Variants in SDK1 observed in about 807,000 individuals in gnomAD.
SDK1 encodes sidekick cell adhesion molecule 1.
Under a neutral mutation model 245.5 loss-of-function variants are expected in SDK1, and 157 were observed. That is an observed-to-expected ratio of 0.64 (90% CI 0.56 to 0.73). SDK1 has a LOEUF of 0.73. Ranked by LOEUF, SDK1 falls within the 30% of genes least tolerant of loss-of-function variation. SDK1 has a pLI of 0.00. For missense variants in SDK1, 3,583 were observed against 3,002.3 expected (o/e 1.19, Z -4.52); for synonymous variants, 1,647 against 1,278.5 (o/e 1.29, Z -6.15).
chr7:3,324,259 A>G lies in SDK1; in HGVS notation c.298+22375A>G, dbSNP rs933755680. ...TAAAAGTAAATTTTTATTAAAATGT[A>G]TATATGGAAAGGAAGACAAATAGTA... On this transcript the variant is annotated intron_variant, in intron 1 of 44. Coordinates refer to ENST00000404826, the MANE Select transcript of SDK1 (RefSeq NM_152744.4). Among the ~76,000 whole-genome samples, 65 of 152,230 alleles carry G rather than the reference A, an allele frequency of 4.3e-4. 1 individual carries two copies. The highest frequency in any genetic ancestry group is 4.4e-5 in the Non-Finnish European group (3 of 68,034).
intron 1 of SDK1, among the ~76,000 whole-genome samples, chr7:3,394,646 C>A (rs1781846729): frequency 6.6e-6 from 1 of 151,896 alleles, no homozygotes; most frequent in African/African-American, 2.4e-5. Context: ...GTCTTTCGAT[C>A]CATAAATATT....
intron 1 of SDK1, among the ~76,000 whole-genome samples, chr7:3,363,865 C>T (rs1333178261): frequency 6.6e-6 from 1 of 152,092 alleles, no homozygotes; most frequent in Non-Finnish European, 1.5e-5. Flanking sequence ...GGGTTGGGGA[C>T]CCCTGGTTTA....
chr7:3,654,220 G>A (rs1250304201), intron 4 of SDK1, among the ~76,000 whole-genome samples: 3 of 151,992 alleles, frequency 2.0e-5, no homozygotes, highest in Admixed American at 6.5e-5. Context: ...AGTTCTTTTC[G>A]TTGTTGTTCT....
At chr7:4,109,891 C>G (rs2128190255) in intron 22 of SDK1, among the ~76,000 whole-genome samples, 1 of 152,218 alleles carries the variant, frequency 6.6e-6, no homozygotes, top group African/African-American at 2.4e-5. Flanking sequence ...TGGTGTGGAG[C>G]TCCCAGACAG....
At chr7:3,533,747 A>G (rs1345042366) in intron 1 of SDK1, among the ~76,000 whole-genome samples, 3 of 151,438 alleles carry the variant, frequency 2.0e-5, no homozygotes. Context: ...GTTTTCATCT[A>G]TTTTTCTTTC....
At chr7:3,787,606 G>A (rs1002530842) in intron 4 of SDK1, among the ~76,000 whole-genome samples, 1 of 152,038 alleles carries the variant, frequency 6.6e-6, no homozygotes, top group African/African-American at 2.4e-5. Flanking sequence ...TTATAAATAC[G>A]AAGTATCATT....
At chr7:3,379,824 A>G (rs2128566649) in intron 1 of SDK1, among the ~76,000 whole-genome samples, 1 of 152,186 alleles carries the variant, frequency 6.6e-6, no homozygotes, top group South Asian at 2.1e-4. Context: ...TGAGCCACCT[A>G]CATGATGCTC....
intron 17 of SDK1, among the ~76,000 whole-genome samples, chr7:4,046,853 G>A (rs920258531): frequency 1.3e-5 from 2 of 150,824 alleles, no homozygotes; most frequent in African/African-American, 4.9e-5. Context: ...AGCGGGTCTT[G>A]CTCTGTAACC....
chr7:3,797,458 TACACACACACAC>T lies in SDK1; in HGVS notation c.714-23966_714-23955del, dbSNP rs34376723. On this transcript the variant is annotated intron_variant, in intron 4 of 44. Transcript: ENST00000404826. Reference sequence around the variant, plus strand: ...TGTACATGTACAAGAGGGGTGTGTATACACACACACACACACACACACACACACACACACACA... The same window carrying T: ...TGTACATGTACAAGAGGGGTGTGTATACACACACACACACACACACACACA... 9.6e-3 allele frequency among the ~76,000 whole-genome samples: 1,410 copies of T among 147,598 alleles called. 15 individuals carry two copies. Among genetic ancestry groups the T allele is most frequent in the African/African-American group, 0.02 (791 of 40,126 alleles).
At chr7:3,439,141 C>A (rs867192459) in intron 1 of SDK1, among the ~76,000 whole-genome samples, 1 of 152,184 alleles carries the variant, frequency 6.6e-6, no homozygotes, top group Non-Finnish European at 1.5e-5. Context: ...GTGTGAATCA[C>A]CATGCCCGGC....
intron 28 of SDK1, among the ~76,000 whole-genome samples, chr7:4,136,190 C>T (rs1779078887): frequency 6.6e-6 from 1 of 152,204 alleles, no homozygotes. Flanking sequence ...GCCGAGCCTC[C>T]TCTGTCATGC....
intron 1 of SDK1, among the ~76,000 whole-genome samples, chr7:3,590,903 T>C (rs11768433): frequency 0.55 from 83,276 of 151,588 alleles, 23,109 homozygotes; most frequent in South Asian, 0.75. Context: ...CTGCCTCAGC[T>C]TCCCAAGTAG....
intron 1 of SDK1, among the ~76,000 whole-genome samples, chr7:3,616,319 G>C (rs1052979032): frequency 2.0e-5 from 3 of 152,166 alleles, no homozygotes; most frequent in African/African-American, 7.2e-5. Context: ...TGGGCAGCAT[G>C]GACAGTCACG....
intron 21 of SDK1, among the ~76,000 whole-genome samples, chr7:4,077,886 A>G (rs1044965756): frequency 7.2e-5 from 11 of 152,224 alleles, no homozygotes; most frequent in East Asian, 3.9e-4. Context: ...AACCATATCA[A>G]TGATGATGGT....
At chr7:3,907,581 G>T (rs965335063) in intron 5 of SDK1, among the ~76,000 whole-genome samples, 1 of 152,144 alleles carries the variant, frequency 6.6e-6, no homozygotes, top group African/African-American at 2.4e-5. Flanking sequence ...GAACATTCGT[G>T]TACAAGTATC....
At chr7:3,357,418 C>T (rs1246918480) in intron 1 of SDK1, among the ~76,000 whole-genome samples, 3 of 139,878 alleles carry the variant, frequency 2.1e-5, no homozygotes, top group Non-Finnish European at 3.0e-5. Context: ...GGTGCGATCA[C>T]GGCTCACTGC....
At chr7:3,926,827 T>C (rs1039880248) in intron 5 of SDK1, among the ~76,000 whole-genome samples, 5 of 152,236 alleles carry the variant, frequency 3.3e-5, no homozygotes, top group Admixed American at 2.0e-4. Context: ...TTAGCAACTG[T>C]GTGACCCAGG....
chr7:3,839,716 A>T (rs867494249), intron 5 of SDK1, among the ~76,000 whole-genome samples: 1 of 152,218 alleles, frequency 6.6e-6, no homozygotes, highest in Non-Finnish European at 1.5e-5. Context: ...AGTAAATTTT[A>T]CTTTTCTTAT....
chr7:3,407,573 T>C (rs1779086678), intron 1 of SDK1, among the ~76,000 whole-genome samples: 1 of 152,200 alleles, frequency 6.6e-6, no homozygotes, highest in South Asian at 2.1e-4. Context: ...GGTGTGATAC[T>C]GGGCAGCCAG....
Sources: allele counts gnomAD v4.1 joint callset (sites outside exome capture counted in the v4.1 genomes callset), GRCh38; gene constraint gnomAD v4.1.1; transcripts MANE v1.5; gene names NCBI Gene and HGNC (gene_info 2026-07-23, HGNC 2026-07-21).